The following ADAMTS2 variants were observed in gnomAD, a reference collection of about 807,000 sequenced individuals.
The protein encoded by ADAMTS2 is ADAM metallopeptidase with thrombospondin type 1 motif 2.
ADAMTS2 carries 50 observed loss-of-function variants against 123.0 expected under a neutral mutation model. The observed-to-expected ratio is 0.41, with a 90% CI of 0.32 to 0.51. The LOEUF (loss-of-function observed/expected upper bound fraction) is 0.51. ADAMTS2 is among the 20% of genes least tolerant of loss of function. The pLI, the probability that ADAMTS2 is intolerant of heterozygous loss-of-function variation, is 0.35. For missense variants in ADAMTS2, 1,494 were observed against 1,705.2 expected (o/e 0.88, Z 2.18); for synonymous variants, 678 against 695.4 (o/e 0.98, Z 0.39).
At chr5:179,302,726 G>A (rs558892366) in intron 2 of ADAMTS2, among the ~76,000 whole-genome samples, 1 of 152,148 alleles carries the variant, frequency 6.6e-6, no homozygotes, top group Non-Finnish European at 1.5e-5. Flanking sequence ...GTATTGTTGA[G>A]GGGGGCGGGG....
Position 179,180,968 on chromosome 5 carries a change from G to T in ADAMTS2, c.975+104C>A. On this transcript the variant is annotated intron_variant, in intron 5 of 21. Transcript: ENST00000251582. The surrounding 1 kb of genome is among the most constrained non-coding windows in gnomAD (Gnocchi z 4.6). Reference sequence around the variant, plus strand: ...CAGGGGAGCCAGGGAGAGGCAGGGTGGTTCTGGCAAACGCACACACTCTCC... The same window carrying T: ...CAGGGGAGCCAGGGAGAGGCAGGGTTGTTCTGGCAAACGCACACACTCTCC... 1.2e-6 allele frequency: 1 copy of T among 837,608 alleles called. No homozygotes were observed. The highest frequency in any genetic ancestry group is 2.0e-6 in the Non-Finnish European group (1 of 493,400). 51.9% of individuals were successfully genotyped at this position (837,608 alleles called of 1,614,324 possible). A position where few individuals can be genotyped will look rare whatever the true frequency, so the allele number is the denominator to read the frequency against.
At chr5:179,157,653 C>T (rs1388806240) in intron 6 of ADAMTS2, among the ~76,000 whole-genome samples, 1 of 152,080 alleles carries the variant, frequency 6.6e-6, no homozygotes, top group African/African-American at 2.4e-5. Flanking sequence ...CTACAGGCAT[C>T]CACCACCATG....
At chr5:179,284,039 C>A (rs1310601283) in intron 2 of ADAMTS2, among the ~76,000 whole-genome samples, 1 of 150,476 alleles carries the variant, frequency 6.6e-6, no homozygotes, top group African/African-American at 2.4e-5. Context: ...CTCAAAAAAA[C>A]CCAAAATCCA....
Position 179,256,889 on chromosome 5 carries a change from T to C in ADAMTS2, c.688+16022A>G, listed in dbSNP as rs1435774143. On this transcript the variant is annotated intron_variant, in intron 3 of 21. Transcript: ENST00000251582. The surrounding 1 kb of genome is among the most constrained non-coding windows in gnomAD (Gnocchi z 4.1). ...TGGGGCGGCGAGGCCGCCCAAGAGCTGCAGGGCTGAGGCCTGGCTTTAGTC... is the reference window on the plus strand; with the variant it reads ...TGGGGCGGCGAGGCCGCCCAAGAGCCGCAGGGCTGAGGCCTGGCTTTAGTC... 6.6e-6 allele frequency among the ~76,000 whole-genome samples: 1 copy of C among 152,236 alleles called. No homozygotes were observed. Among genetic ancestry groups the C allele is most frequent in the Non-Finnish European group, 1.5e-5 (1 of 68,038 alleles).
At chr5:179,157,384 G>GTT (rs1763493802) in intron 6 of ADAMTS2, among the ~76,000 whole-genome samples, 1 of 152,182 alleles carries the variant, frequency 6.6e-6, no homozygotes, top group Non-Finnish European at 1.5e-5. Flanking sequence ...TCATCACATG[G>GTT]TCAGGGCAAC....
Position 179,303,386 on chromosome 5 carries a change from G to C in ADAMTS2, c.535-30322C>G, listed in dbSNP as rs919714648. 9.2e-5 allele frequency among the ~76,000 whole-genome samples: 14 copies of C among 152,198 alleles called. No homozygotes were observed. The highest frequency in any genetic ancestry group is 1.8e-4 in the Non-Finnish European group (12 of 68,044). ...CCCAAATGCACTGGATTCATGAGCA[G>C]CTAGCTGAGGACCCTGCAAAATAAA... On this transcript the variant is annotated intron_variant, in intron 2 of 21. Coordinates refer to ENST00000251582, the MANE Select transcript of ADAMTS2 (RefSeq NM_014244.5). The surrounding 1 kb of genome is among the most constrained non-coding windows in gnomAD (Gnocchi z 4.7).
In ADAMTS2 at chr5:179,170,489, G is replaced by C. The variant is rs146730600; in HGVS notation, c.975+10583C>G. Among the ~76,000 whole-genome samples the C allele has an allele frequency of 2.0e-4, 30 of 152,030 alleles. No homozygotes were observed. The highest frequency in any genetic ancestry group is 3.8e-4 in the Non-Finnish European group (26 of 68,006). On this transcript the variant is annotated intron_variant, in intron 5 of 21. Coordinates refer to ENST00000251582, the MANE Select transcript of ADAMTS2 (RefSeq NM_014244.5). This position sits in a 1 kb window ranked among gnomAD's most constrained non-coding sequence, Gnocchi z 4.3. ...AGAGACGGGGGCCTCATTCCTTGAC[G>C]GGAAGCCTGTGGTTCCTTGAAGAGC...
chr5:179,257,902 T>C (rs985260856), intron 3 of ADAMTS2, among the ~76,000 whole-genome samples: 2 of 152,170 alleles, frequency 1.3e-5, no homozygotes, highest in Non-Finnish European at 2.9e-5. Context: ...AATGAAGAGA[T>C]TGTAAGTAAA....
intron 2 of ADAMTS2, among the ~76,000 whole-genome samples, chr5:179,290,170 G>C (rs539863005): frequency 6.6e-6 from 1 of 152,186 alleles, no homozygotes; most frequent in Non-Finnish European, 1.5e-5. Flanking sequence ...CATGGAGGCC[G>C]ATCCCTCGTG....
At chr5:179,176,220 G>A (rs1763927283) in intron 5 of ADAMTS2, among the ~76,000 whole-genome samples, 1 of 152,156 alleles carries the variant, frequency 6.6e-6, no homozygotes, top group Non-Finnish European at 1.5e-5. Flanking sequence ...ATCTGGAAAA[G>A]GAGGAGTGCC....
rs1763091963 is a variant in ADAMTS2 at position 179,137,816 on chromosome 5, T to C, written c.1904A>G (p.Glu635Gly). 1 of 1,580,434 alleles carries C rather than the reference T, an allele frequency of 6.3e-7. No homozygotes were observed. The highest frequency in any genetic ancestry group is 8.6e-7 in the Non-Finnish European group (1 of 1,165,044). Reference sequence around the variant, plus strand: ...CCAGTGGTGCTGGGCGTCGCCGTGCTCGAAGTACAGGTCCCACTGGCGGCA... The same window carrying C: ...CCAGTGGTGCTGGGCGTCGCCGTGCCCGAAGTACAGGTCCCACTGGCGGCA... Reference protein sequence around the residue: ...EQCRQWDLYFEHGDAQHHWLP... With the variant: ...EQCRQWDLYFGHGDAQHHWLP... The change falls in exon 12 of 22, where the codon GAG becomes GGG. Residue 635 changes from glutamate to glycine, a missense_variant. This residue lies in a region of ADAMTS2 where 953 missense variants were observed against 1,124.7 expected (regional missense o/e 0.85). Coordinates refer to ENST00000251582, the MANE Select transcript of ADAMTS2 (RefSeq NM_014244.5).
chr5:179,111,075 A>G lies in ADAMTS2; in HGVS notation c.*2792T>C, dbSNP rs745955049. On this transcript the variant is annotated 3_prime_UTR_variant, in exon 22 of 22. Transcript: ENST00000251582. ...AAGATGTTGCTATTGAGCACCATGTATATACTCAAAACAAACAGAAAAACC... is the reference window on the plus strand; with the variant it reads ...AAGATGTTGCTATTGAGCACCATGTGTATACTCAAAACAAACAGAAAAACC... 6.6e-5 allele frequency: 10 copies of G among 152,202 alleles called. No homozygotes were observed. The highest frequency in any genetic ancestry group is 1.5e-4 in the Non-Finnish European group (10 of 68,038). 9.4% of individuals were successfully genotyped at this position (152,202 alleles called of 1,614,324 possible).
intron 2 of ADAMTS2, among the ~76,000 whole-genome samples, chr5:179,277,362 ACACCCCCCGAGACCAAAGGCTGACCC>A (rs1561674815): frequency 2.5e-4 from 2 of 8,152 alleles, no homozygotes; most frequent in Non-Finnish European, 3.8e-4. Flanking sequence ...CCAAAGGCTG[ACACCCCCCGAGACCAAAGGCTGACCC>A]CCCCCCCGAG....
Position 179,170,575 on chromosome 5 carries a change from T to A in ADAMTS2, c.975+10497A>T, listed in dbSNP as rs1763795712. Among the ~76,000 whole-genome samples the A allele has an allele frequency of 6.6e-6, 1 of 152,162 alleles. No individual in the cohort carries two copies. The highest frequency in any genetic ancestry group is 1.5e-5 in the Non-Finnish European group (1 of 68,022). On this transcript the variant is annotated intron_variant, in intron 5 of 21. Transcript: ENST00000251582. This position sits in a 1 kb window ranked among gnomAD's most constrained non-coding sequence, Gnocchi z 4.3. ...TTTGTCCCCAGAGCCCCATCGAGAA[T>A]CCCTGGCTGTGCTTCTCTGTGAGCA... is the stretch of plus-strand genomic sequence containing the variant.
chr5:179,146,328 G>A (rs934982794), intron 10 of ADAMTS2, among the ~76,000 whole-genome samples: 10 of 152,120 alleles, frequency 6.6e-5, no homozygotes, highest in African/African-American at 2.4e-4. Flanking sequence ...AGAAGTTATG[G>A]GTGACGCCAT....
At chr5:179,276,652 G>A (rs1441558634) in intron 2 of ADAMTS2, among the ~76,000 whole-genome samples, 1 of 152,224 alleles carries the variant, frequency 6.6e-6, no homozygotes, top group Admixed American at 6.5e-5. Context: ...GCCTAGATGG[G>A]CAGACAGGCT....
chr5:179,207,427 A>G lies in ADAMTS2; in HGVS notation c.891+86T>C, dbSNP rs958184543. 2.1e-6 allele frequency: 3 copies of G among 1,397,384 alleles called. No homozygotes were observed. The African/African-American group carries it at 4.3e-5, about 20-fold the overall frequency. 86.6% of individuals were successfully genotyped at this position (1,397,384 alleles called of 1,614,324 possible). ...AAGGAAATCGGCAGAGCCTCAGGGG[A>G]CCTGGCCCAGCTGGGCCTCTCTGGC... On this transcript the variant is annotated intron_variant, in intron 4 of 21. Transcript: ENST00000251582.
chr5:179,150,960 G>A (rs543554790), intron 10 of ADAMTS2: 227 of 187,578 alleles, frequency 1.2e-3, no homozygotes, highest in African/African-American at 4.9e-3. Context: ...GCAGCGACGC[G>A]ATCTTGGCTC....
intron 3 of ADAMTS2, among the ~76,000 whole-genome samples, chr5:179,213,907 T>A (rs867830091): frequency 6.6e-6 from 1 of 152,258 alleles, no homozygotes. Flanking sequence ...AGCACTGTAA[T>A]ACATTTATTC....
Sources: gnomAD v4.1 joint callset for allele counts (sites outside exome capture counted in the v4.1 genomes callset) on GRCh38, gnomAD v4.1.1 for gene constraint, gnomAD v4.1.1 regional missense constraint, Gnocchi (gnomAD v3.1) non-coding constraint, MANE v1.5 for transcripts, NCBI Gene and HGNC (gene_info 2026-07-23, HGNC 2026-07-21) for gene names.